The following FREM2 variants were observed in gnomAD, a reference collection of about 807,000 sequenced individuals.
FREM2 encodes the protein FRAS1-related extracellular matrix protein 2.
FREM2 carries 119 observed loss-of-function variants against 219.9 expected under a neutral mutation model. The ratio of observed to expected loss-of-function variants is 0.54; its 90% CI spans 0.47 to 0.63. The LOEUF is 0.63. Among genes scored for constraint, FREM2 ranks in the 30% least tolerant of loss-of-function variants. The probability of loss-of-function intolerance (pLI) is 0.00; values close to 1 mark genes in which losing one functional copy is unlikely to be tolerated. For synonymous variants in FREM2, 1,562 were observed against 1,522.8 expected, an observed-to-expected ratio of 1.03 and a Z score of -0.60; for missense variants, 4,030 against 3,993.6, an observed-to-expected ratio of 1.01 and a Z score of -0.25.
At chr13:38,771,986 T>C (rs577976157) in intron 4 of FREM2, among the ~76,000 whole-genome samples, 68 of 152,178 alleles carry the variant, frequency 4.5e-4, no homozygotes, top group African/African-American at 1.6e-3. Flanking sequence ...TTTTAAGAAA[T>C]TGAGTATTTT....
intron 2 of FREM2, among the ~76,000 whole-genome samples, chr13:38,709,040 A>C (rs1427356263): frequency 6.6e-6 from 1 of 152,204 alleles, no homozygotes; most frequent in Non-Finnish European, 1.5e-5. Flanking sequence ...GATTATAGGC[A>C]TAAGCCACCA....
intron 6 of FREM2, among the ~76,000 whole-genome samples, chr13:38,831,608 C>G (rs558128939): frequency 3.1e-3 from 302 of 98,190 alleles, no homozygotes; most frequent in African/African-American, 0.011. Context: ...TACATTTTAA[C>G]TTCAATTTTT....
intron 6 of FREM2, among the ~76,000 whole-genome samples, chr13:38,846,086 A>G (rs560519391): frequency 9.8e-5 from 15 of 152,296 alleles, no homozygotes; most frequent in African/African-American, 3.6e-4. Flanking sequence ...CCTTGTGATT[A>G]TAACACACTC....
At chr13:38,865,136 C>A (rs567865171) in intron 16 of FREM2, among the ~76,000 whole-genome samples, 276 of 152,192 alleles carry the variant, frequency 1.8e-3, no homozygotes, top group Non-Finnish European at 3.3e-3. Flanking sequence ...TCCTCTTCTT[C>A]GCTTTTTGAT....
chr13:38,768,755 T>G (rs752126433), intron 3 of FREM2, among the ~76,000 whole-genome samples: 11 of 152,322 alleles, frequency 7.2e-5, no homozygotes, highest in Non-Finnish European at 1.3e-4. Context: ...TCTATGACAT[T>G]GAATGTTTTC....
intron 6 of FREM2, among the ~76,000 whole-genome samples, chr13:38,793,980 AC>A (rs11342382): frequency 0.49 from 73,903 of 152,002 alleles, 19,905 homozygotes; most frequent in Non-Finnish European, 0.62. Flanking sequence ...GCATGCTAGT[AC>A]GAAAGAAATG....
At chr13:38,773,586 G>GT in intron 4 of FREM2, among the ~76,000 whole-genome samples, 1 of 151,924 alleles carries the variant, frequency 6.6e-6, no homozygotes, top group Non-Finnish European at 1.5e-5. Flanking sequence ...GTGTTTGTTT[G>GT]TTTTTTTGAT....
chr13:38,782,502 A>AT (rs1874157476), intron 4 of FREM2, among the ~76,000 whole-genome samples: 1 of 152,220 alleles, frequency 6.6e-6, no homozygotes, highest in Non-Finnish European at 1.5e-5. Flanking sequence ...GGGAACAGCT[A>AT]TTTTTTAAAA....
intron 2 of FREM2, among the ~76,000 whole-genome samples, chr13:38,726,424 T>C (rs1469823731): frequency 1.3e-5 from 2 of 152,202 alleles, no homozygotes; most frequent in African/African-American, 4.8e-5. Flanking sequence ...AGGAATTAGC[T>C]AGCCTTAAGA....
intron 6 of FREM2, among the ~76,000 whole-genome samples, chr13:38,840,644 A>ATATATATATATATATATTTG (rs1184958401): frequency 7.4e-6 from 1 of 134,268 alleles, no homozygotes; most frequent in African/African-American, 2.9e-5. Flanking sequence ...ATATATATAT[A>ATATATATATATATATATTTG]TGTGTATGTA....
intron 2 of FREM2, among the ~76,000 whole-genome samples, chr13:38,720,638 A>G (rs1351633664): frequency 6.6e-6 from 1 of 152,182 alleles, no homozygotes; most frequent in Non-Finnish European, 1.5e-5. Flanking sequence ...GTCTACAGAG[A>G]AGGGGCAGAA....
intron 4 of FREM2, among the ~76,000 whole-genome samples, chr13:38,778,437 A>G (rs1873964918): frequency 6.6e-6 from 1 of 152,130 alleles, no homozygotes; most frequent in Non-Finnish European, 1.5e-5. Context: ...TTCTTCTTAT[A>G]AGGACACTAA....
chr13:38,804,887 G>A (rs1021648679), intron 6 of FREM2, among the ~76,000 whole-genome samples: 1 of 152,012 alleles, frequency 6.6e-6, no homozygotes, highest in East Asian at 1.9e-4. Flanking sequence ...CTGGGCTGTA[G>A]ACAAATTTTT....
intron 2 of FREM2, among the ~76,000 whole-genome samples, chr13:38,708,610 C>T (rs367629056): frequency 1.1e-4 from 17 of 151,962 alleles, no homozygotes; most frequent in South Asian, 4.2e-4. Context: ...GCTGAGATTG[C>T]GCCACTGCAC....
Position 38,689,239 on chromosome 13 carries a change from A to AG in FREM2, c.1900dup (p.Ala634GlyfsTer4). 1 of 1,614,040 alleles carries AG rather than the reference A, an allele frequency of 6.2e-7. No homozygotes were observed. The highest frequency in any genetic ancestry group is 8.5e-7 in the Non-Finnish European group (1 of 1,180,002). On this transcript the variant is annotated frameshift_variant, in exon 1 of 24. Coordinates refer to ENST00000280481, the MANE Select transcript of FREM2 (RefSeq NM_207361.6). LOFTEE classifies it high-confidence loss of function. Reference sequence around the variant, plus strand: ...CTTCTCAGAGGCCTTTGGAGGAAGGAGGGGGCATTTTATGAGCGAACAGTG... The same window carrying AG: ...CTTCTCAGAGGCCTTTGGAGGAAGGAGGGGGGCATTTTATGAGCGAACAGTG...
intron 6 of FREM2, among the ~76,000 whole-genome samples, chr13:38,790,790 A>C (rs151200636): frequency 6.6e-6 from 1 of 152,222 alleles, no homozygotes; most frequent in Non-Finnish European, 1.5e-5. Flanking sequence ...ATTTCTAGAC[A>C]TGACCTTTTT....
chr13:38,780,936 C>G (rs1172362574), intron 4 of FREM2, among the ~76,000 whole-genome samples: 1 of 152,216 alleles, frequency 6.6e-6, no homozygotes, highest in African/African-American at 2.4e-5. Flanking sequence ...GTCTTTGAGT[C>G]TTTATCAAAA....
chr13:38,852,914 C>T (rs924672068), intron 11 of FREM2, among the ~76,000 whole-genome samples: 6 of 151,810 alleles, frequency 4.0e-5, no homozygotes, highest in African/African-American at 1.5e-4. Flanking sequence ...CCATGTTGGC[C>T]AGGCTGGCCT....
intron 2 of FREM2, among the ~76,000 whole-genome samples, chr13:38,751,482 TC>T (rs1276121601): frequency 1.3e-5 from 2 of 152,100 alleles, no homozygotes; most frequent in African/African-American, 4.8e-5. Flanking sequence ...CACTTGTCCT[TC>T]CCTGAATCGG....
Sources: gnomAD v4.1 joint callset for allele counts (sites outside exome capture counted in the v4.1 genomes callset) on GRCh38, gnomAD v4.1.1 for gene constraint, MANE v1.5 for transcripts, NCBI Gene and HGNC (gene_info 2026-07-23, HGNC 2026-07-21) for gene names.